WNT9B: variants seen among roughly 807,000 people sequenced by gnomAD.
WNT9B encodes the protein Wnt family member 9B.
In WNT9B, 12 loss-of-function variants were observed where a neutral mutation model predicts 30.2. That is an observed-to-expected ratio of 0.40 (90% CI 0.26 to 0.64). WNT9B has a LOEUF of 0.64. WNT9B is among the 30% of genes least tolerant of loss of function. The pLI is 0.42. For missense variants in WNT9B, 442 were observed against 485.2 expected (o/e 0.91, Z 0.84); for synonymous variants, 218 against 216.9 (o/e 1.01, Z -0.05).
intron 1 of WNT9B, 25 bp from the exon 2 acceptor site, chr17:46,872,492 G>A: frequency 6.8e-7 from 1 of 1,467,406 alleles, no homozygotes; most frequent in South Asian, 1.5e-5. Context: ...AGGCTCACCT[G>A]TCTCCCTCCT....
Position 46,879,119 on chromosome 17 carries a change from T to C in WNT9B, c.*2401T>C, listed in dbSNP as rs1237465430. ...TAGTTTTTAGAGCAAAGGAGAATAA[T>C]TTATATAGCTAAGATATATGAGAAA... is the stretch of plus-strand genomic sequence containing the variant. On this transcript the variant is annotated 3_prime_UTR_variant, in exon 4 of 4. Transcript: ENST00000290015. Among the ~76,000 whole-genome samples, 2 of 152,254 alleles carry C rather than the reference T, an allele frequency of 1.3e-5. No homozygotes were observed. Among genetic ancestry groups the C allele is most frequent in the East Asian group, 1.9e-4 (1 of 5,208 alleles).
rs2085309778 is a variant in WNT9B at position 46,874,494 on chromosome 17, G to A, written c.335-607G>A. ...TGTTCTTCTCTGAGAGGTGAAGGCC[G>A]TAGCCCCTGGCCTGCTGCCCTCTGG... On this transcript the variant is annotated intron_variant, in intron 2 of 3. Coordinates refer to ENST00000290015, the MANE Select transcript of WNT9B (RefSeq NM_003396.3). 9.2e-5 allele frequency among the ~76,000 whole-genome samples: 14 copies of A among 152,184 alleles called. 1 individual carries two copies. In the South Asian group the frequency reaches 2.9e-3, roughly 32 times the overall value.
At chr17:46,859,388 G>A (rs1555695639) in intron 1 of WNT9B, among the ~76,000 whole-genome samples, 1 of 152,178 alleles carries the variant, frequency 6.6e-6, no homozygotes, top group Non-Finnish European at 1.5e-5. Context: ...GTGTTTCAGT[G>A]CCATTTGTTG....
rs770822345 is a variant in WNT9B, at chr17:46,851,849, C to A, written c.77+134C>A. On this transcript the variant is annotated intron_variant, in intron 1 of 3. Transcript: ENST00000290015. The surrounding 1 kb of genome is among the most constrained non-coding windows in gnomAD (Gnocchi z 4.3). ...CTCGAACTCAGACCCTAGCCCGGCG[C>A]GACCCAACCCACTTCGCAGTCGGAG... The A allele has an allele frequency of 2.4e-6, 1 of 412,822 alleles. No homozygotes were observed. Among genetic ancestry groups the A allele is most frequent in the Non-Finnish European group, 4.1e-6 (1 of 246,442 alleles). 25.6% of individuals were successfully genotyped at this position (412,822 alleles called of 1,614,324 possible).
chr17:46,843,149 G>C (rs955130145), intron 1 of WNT9B, among the ~76,000 whole-genome samples: 1 of 152,166 alleles, frequency 6.6e-6, no homozygotes, highest in Non-Finnish European at 1.5e-5. Context: ...GAGAAACTAG[G>C]GTAGATATTA....
chr17:46,859,921 C>A (rs562702851), intron 1 of WNT9B, among the ~76,000 whole-genome samples: 1 of 152,270 alleles, frequency 6.6e-6, no homozygotes, highest in East Asian at 1.9e-4. Context: ...AAAAGAAATT[C>A]TTCCAATGTG....
chr17:46,848,100 T>C (rs1440464561), upstream of WNT9B, among the ~76,000 whole-genome samples: 7 of 152,132 alleles, frequency 4.6e-5, no homozygotes, highest in East Asian at 1.4e-3. Context: ...TATCCAAGAA[T>C]GCTTCTCTTG....
At position 46,837,401 on chromosome 17, in the gene WNT9B, A is replaced by AT. The variant is rs765005142; in HGVS notation, c.95+3964dup. Reference sequence around the variant, plus strand: ...GAATTTGGAGTATAAATGGGAGAATATTTGGGGGACTGGAGGGTGGGACTG... The same window carrying AT: ...GAATTTGGAGTATAAATGGGAGAATATTTTGGGGGACTGGAGGGTGGGACTG... On this transcript the variant is annotated intron_variant, in intron 1 of 2. Coordinates refer to the WNT9B transcript ENST00000575372. Among the ~76,000 whole-genome samples the AT allele has an allele frequency of 9.3e-4, 142 of 152,272 alleles. 1 individual carries two copies. The highest frequency in any genetic ancestry group is 1.6e-3 in the Non-Finnish European group (110 of 68,012).
chr17:46,873,964 G>C (rs2085299284), intron 2 of WNT9B, among the ~76,000 whole-genome samples: 1 of 151,016 alleles, frequency 6.6e-6, no homozygotes, highest in Admixed American at 6.6e-5. Flanking sequence ...ACTCCAGCCT[G>C]GGAGACAGAA....
chr17:46,875,322 C>G lies in WNT9B; in HGVS notation c.556C>G (p.Leu186Val). The G allele has an allele frequency of 6.2e-7, 1 of 1,613,156 alleles. No homozygotes were observed. The highest frequency in any genetic ancestry group is 1.7e-5 in the Admixed American group (1 of 59,992). Residue 186 changes from leucine (L) to valine (V), a missense_variant, in exon 3 of 4, where the codon CTG becomes GTG. Coordinates refer to ENST00000290015, the MANE Select transcript of WNT9B (RefSeq NM_003396.3). ...GGGGTCCAAGAGAGGAAACAAGGAC[C>G]TGCGGGCACGGGCAGACGCCCACAA... ...FLGSKRGNKD[L>V]RARADAHNTH...
chr17:46,851,789 T>C lies in WNT9B; in HGVS notation c.77+74T>C, dbSNP rs2084851335. On this transcript the variant is annotated intron_variant, in intron 1 of 3. Transcript: ENST00000290015. This position sits in a 1 kb window ranked among gnomAD's most constrained non-coding sequence, Gnocchi z 4.3. ...CCCTCCTGCGCTACAGCTGGGCCAA[T>C]TTTTCCCTCCCGCTGTCCTTGGCCC... The C allele has an allele frequency of 2.6e-6, 2 of 782,336 alleles. No homozygotes were observed. The highest frequency in any genetic ancestry group is 8.8e-5 in the Admixed American group (2 of 22,646). The allele number at this position is 782,336 out of a possible 1,614,324, so 48.5% of individuals were successfully genotyped here.
rs2085392598 is a variant in WNT9B, at chr17:46,879,324, C to T, written c.*2606C>T. Among the ~76,000 whole-genome samples the T allele has an allele frequency of 6.6e-6, 1 of 152,100 alleles. No homozygotes were observed. The highest frequency in any genetic ancestry group is 2.1e-4 in the South Asian group (1 of 4,824). ...CTGTATTCCATGACTGGGTCTGTCTCGGAGCTGGTAAGCACATGTCCGCTC... is the reference window on the plus strand; with the variant it reads ...CTGTATTCCATGACTGGGTCTGTCTTGGAGCTGGTAAGCACATGTCCGCTC... On this transcript the variant is annotated 3_prime_UTR_variant, in exon 4 of 4. Transcript: ENST00000290015.
intron 1 of WNT9B, among the ~76,000 whole-genome samples, chr17:46,836,156 G>A (rs2084629960): frequency 7.1e-6 from 1 of 141,772 alleles, no homozygotes; most frequent in African/African-American, 2.7e-5. Context: ...GTGGTGGCGG[G>A]GCAATTAATA....
At chr17:46,853,363 C>CTTTT (rs35252647) in intron 1 of WNT9B, among the ~76,000 whole-genome samples, 3,349 of 78,884 alleles carry the variant, frequency 0.042, 541 homozygotes, top group East Asian at 0.24. Flanking sequence ...ATGCTAGTGA[C>CTTTT]TTTTTTTTTT....
chr17:46,879,289 G>A lies in WNT9B; in HGVS notation c.*2571G>A, dbSNP rs1464081158. On this transcript the variant is annotated 3_prime_UTR_variant, in exon 4 of 4. Transcript: ENST00000290015. ...AGCAGGAGGCCGGGTCGCTGGGAAG[G>A]AGGACAAACCTGTATTCCATGACTG... is the stretch of plus-strand genomic sequence containing the variant. Among the ~76,000 whole-genome samples the A allele has an allele frequency of 6.6e-6, 1 of 152,150 alleles. No homozygotes were observed. The highest frequency in any genetic ancestry group is 1.5e-5 in the Non-Finnish European group (1 of 68,042).
intron 1 of WNT9B, among the ~76,000 whole-genome samples, chr17:46,868,298 AC>A (rs1331531389): frequency 6.6e-6 from 1 of 151,892 alleles, no homozygotes. Context: ...CTTCATTAAG[AC>A]CCCCATATTT....
At chr17:46,845,452 C>T (rs1470855792) in intron 1 of WNT9B, among the ~76,000 whole-genome samples, 6 of 149,416 alleles carry the variant, frequency 4.0e-5, no homozygotes, top group Non-Finnish European at 8.9e-5. Flanking sequence ...ATACATGAGT[C>T]GACTTACAGG....
In WNT9B at chr17:46,851,714, G is replaced by T; in HGVS notation, c.76G>T (p.Gly26Cys). 1 of 1,292,538 alleles carries T rather than the reference G, an allele frequency of 7.7e-7. No individual in the cohort carries two copies. Among genetic ancestry groups the T allele is most frequent in the Non-Finnish European group, 9.8e-7 (1 of 1,023,952 alleles). The allele number at this position is 1,292,538 out of a possible 1,614,324, so 80.1% of individuals were successfully genotyped here. ...ALPAAAASYF[G>C]LTGREVLTPF... ...GCCCGCCGCCGCCGCCTCCTACTTC[G>T]GGTCAGTGCCCGCCGCGCCCCCCGC... The change falls in exon 1 of 4, where the codon GGC becomes TGC. Residue 26 changes from glycine (G) to cysteine (C), a missense_variant and splice_region_variant. By Grantham distance (159) the Gly-to-Cys change is radical. Transcript: ENST00000290015. This position sits in a 1 kb window ranked among gnomAD's most constrained non-coding sequence, Gnocchi z 4.3.
At chr17:46,852,574 C>CA (rs11403657) in intron 1 of WNT9B, among the ~76,000 whole-genome samples, 29,714 of 151,654 alleles carry the variant, frequency 0.2, 3,567 homozygotes, top group East Asian at 0.49. Flanking sequence ...CAATTGTTTC[C>CA]AGTCCCTTCT....
Sources: gnomAD v4.1 joint callset for allele counts (sites outside exome capture counted in the v4.1 genomes callset) on GRCh38, gnomAD v4.1.1 for gene constraint, Gnocchi (gnomAD v3.1) non-coding constraint, MANE v1.5 for transcripts, NCBI Gene and HGNC (gene_info 2026-07-23, HGNC 2026-07-21) for gene names.